PDGFRL: variants seen among roughly 807,000 people sequenced by gnomAD.
The protein encoded by PDGFRL is platelet derived growth factor receptor like, also known as platelet-derived growth factor receptor-like protein.
In PDGFRL, 46 loss-of-function variants were observed where a neutral mutation model predicts 37.2. The observed-to-expected ratio is 1.24, with a 90% confidence interval of 0.98 to 1.58. The LOEUF is 1.58. Among genes scored for constraint, PDGFRL ranks in the 40% most tolerant of loss-of-function variants. PDGFRL has a pLI of 0.00. For missense variants in PDGFRL, 692 were observed against 467.6 expected, an observed-to-expected ratio of 1.48 and a Z score of -4.43; for synonymous variants, 251 against 184.3, an observed-to-expected ratio of 1.36 and a Z score of -2.93.
intron 1 of PDGFRL, among the ~76,000 whole-genome samples, chr8:17,584,460 G>T (rs533489298): frequency 7.2e-5 from 11 of 152,210 alleles, no homozygotes; most frequent in African/African-American, 2.4e-4. Flanking sequence ...TCACGGGATT[G>T]TGTGAGGTCA....
At position 17,628,688 on chromosome 8, in the gene PDGFRL, CT is replaced by C; in HGVS notation, c.708del (p.His237IlefsTer47). 1 of 1,614,006 alleles carries C rather than the reference CT, an allele frequency of 6.2e-7. No individual in the cohort carries two copies. ...AAGCGGGGCTTTGTGTATCTGCAAC[CT>C]CATTCCGAGCACCAGGGTGTGGTTT... is the stretch of plus-strand genomic sequence containing the variant. The part of the protein sequence containing the change: ...DMKRGFVYLQ[P>X]HSEHQGVVYC... On this transcript the variant is annotated frameshift_variant, in exon 4 of 6. Coordinates refer to ENST00000251630, the MANE Select transcript of PDGFRL (RefSeq NM_001372073.1). LOFTEE classifies it high-confidence loss of function.
chr8:17,596,392 A>C (rs887216054), intron 2 of PDGFRL: 1 of 961,182 alleles, frequency 1.0e-6, no homozygotes, highest in Non-Finnish European at 1.4e-6. Flanking sequence ...TACCACGTAC[A>C]TTTTAAACGA....
intron 2 of PDGFRL, among the ~76,000 whole-genome samples, chr8:17,602,351 G>A (rs1804183547): frequency 1.3e-5 from 2 of 152,154 alleles, no homozygotes; most frequent in African/African-American, 4.8e-5. Flanking sequence ...CCAGAACTTG[G>A]GAGCCCTAGT....
intron 2 of PDGFRL, among the ~76,000 whole-genome samples, chr8:17,592,911 TACATGCACAC>T (rs1184540568): frequency 0.032 from 4,760 of 148,048 alleles, 102 homozygotes; most frequent in Middle Eastern, 0.058. Flanking sequence ...TAAACCCACA[TACATGCACAC>T]ACACACACAC....
At chr8:17,592,670 T>A (rs2517148) in intron 2 of PDGFRL, among the ~76,000 whole-genome samples, 1 of 151,790 alleles carries the variant, frequency 6.6e-6, no homozygotes, top group South Asian at 2.1e-4. Flanking sequence ...GGCCCCTCAG[T>A]ACCGGGCTAA....
At chr8:17,624,896 C>T (rs920706716) in intron 3 of PDGFRL, among the ~76,000 whole-genome samples, 5 of 152,096 alleles carry the variant, frequency 3.3e-5, no homozygotes, top group African/African-American at 4.8e-5. Flanking sequence ...GCCTGGGTGA[C>T]GGAGTGAGAC....
chr8:17,641,446 A>G (rs888076213), intron 5 of PDGFRL, among the ~76,000 whole-genome samples: 3 of 152,158 alleles, frequency 2.0e-5, no homozygotes, highest in Admixed American at 1.3e-4. Flanking sequence ...GGGGACTGAG[A>G]GAGCCCATAG....
chr8:17,628,167 G>GT (rs140805340), intron 3 of PDGFRL, among the ~76,000 whole-genome samples: 36,568 of 149,112 alleles, frequency 0.25, 4,563 homozygotes, highest in South Asian at 0.29. Flanking sequence ...CTCATTTTTT[G>GT]TTTTTTTTAG....
chr8:17,620,976 T>G (rs190945596), intron 2 of PDGFRL, 75 bp from the exon 3 acceptor site: 1 of 1,093,720 alleles, frequency 9.1e-7, no homozygotes. Flanking sequence ...CAGAGAACAG[T>G]GGAGCCGAGT....
At chr8:17,632,796 T>A (rs1480416237) in intron 4 of PDGFRL, among the ~76,000 whole-genome samples, 1 of 150,258 alleles carries the variant, frequency 6.7e-6, no homozygotes, top group East Asian at 2.0e-4. Context: ...CCTCCTCCAC[T>A]CCGCCACTGC....
intron 1 of PDGFRL, among the ~76,000 whole-genome samples, chr8:17,586,236 A>G (rs2588158): frequency 0.94 from 143,204 of 152,266 alleles, 67,993 homozygotes; most frequent in East Asian, 1. Context: ...TTATAGGCAT[A>G]AGCCGCTGCA....
chr8:17,628,630 C>G lies in PDGFRL; in HGVS notation c.649C>G (p.Pro217Ala), dbSNP rs1236348168. ...CAGGGAATTCCCAGCCAAGGAGATC[C>G]CAGCCAATGGAACGGACATTGTTTA... The part of the protein sequence containing the change: ...LHREFPAKEI[P>A]ANGTDIVYDM... Residue 217 changes from proline to alanine, a missense_variant, in exon 4 of 6, where the codon CCA becomes GCA. Coordinates refer to ENST00000251630, the MANE Select transcript of PDGFRL (RefSeq NM_001372073.1). 2.5e-6 allele frequency: 4 copies of G among 1,614,080 alleles called. No homozygotes were observed. In the African/African-American group the frequency reaches 5.3e-5, roughly 22 times the overall value.
At chr8:17,583,893 C>T (rs931084432) in intron 1 of PDGFRL, among the ~76,000 whole-genome samples, 2 of 152,180 alleles carry the variant, frequency 1.3e-5, no homozygotes, top group African/African-American at 4.8e-5. Flanking sequence ...TCACCAGATG[C>T]CCAGTCTTGA....
chr8:17,582,198 T>A (rs575114823), intron 1 of PDGFRL, among the ~76,000 whole-genome samples: 53 of 152,264 alleles, frequency 3.5e-4, no homozygotes, highest in Non-Finnish European at 5.7e-4. Context: ...CTAGGGATTT[T>A]GGAAGGCCAC....
intron 3 of PDGFRL, among the ~76,000 whole-genome samples, chr8:17,622,654 A>G (rs1804656957): frequency 6.6e-6 from 1 of 152,222 alleles, no homozygotes; most frequent in Non-Finnish European, 1.5e-5. Context: ...AGGAAAACTT[A>G]GGCACACAGA....
Position 17,577,301 on chromosome 8 carries a change from G to C in PDGFRL, c.49G>C (p.Glu17Gln), listed in dbSNP as rs765002393. ...TCTTCTGCTGGTGCACGAAGCGCTG[G>C]AGGATGGTGAGTGACTCTGGGCGCG... ...LGLLLVHEAL[E>Q]DVTGQHLPKN... The change falls in exon 1 of 6, where the codon GAG (glutamate) becomes CAG (glutamine). Residue 17 changes from glutamate to glutamine, a missense_variant. By Grantham distance (29) the Glu-to-Gln change is conservative. Transcript: ENST00000251630. The C allele has an allele frequency of 6.2e-7, 1 of 1,612,756 alleles. No individual in the cohort carries two copies. The highest frequency in any genetic ancestry group is 8.5e-7 in the Non-Finnish European group (1 of 1,179,476).
intron 2 of PDGFRL, among the ~76,000 whole-genome samples, chr8:17,593,787 C>G (rs530994112): frequency 1.3e-5 from 2 of 151,476 alleles, no homozygotes; most frequent in African/African-American, 2.4e-5. Flanking sequence ...GCTAGGGAGG[C>G]TGAGGCAGGA....
rs1804779649 is a variant in PDGFRL, at chr8:17,628,353, A to G, written c.506-134A>G. On this transcript the variant is annotated intron_variant, in intron 3 of 5. Transcript: ENST00000251630. ...ATTCTTCCAAAAAATGAAAAGCATTAAAGTAAAAAAAGAAAACCCGGCCTT... is the reference window on the plus strand; with the variant it reads ...ATTCTTCCAAAAAATGAAAAGCATTGAAGTAAAAAAAGAAAACCCGGCCTT... 10 of 666,922 alleles carry G rather than the reference A, an allele frequency of 1.5e-5. No homozygotes were observed. In the South Asian group the frequency reaches 1.7e-4, roughly 11 times the overall value. The allele number at this position is 666,922 out of a possible 1,614,324, so 41.3% of individuals were successfully genotyped here. A position where few individuals can be genotyped will look rare whatever the true frequency, so the allele number is the denominator to read the frequency against.
intron 1 of PDGFRL, among the ~76,000 whole-genome samples, chr8:17,585,513 T>C (rs1037217943): frequency 6.6e-6 from 1 of 152,126 alleles, no homozygotes; most frequent in Admixed American, 6.5e-5. Context: ...CTTGGAAAAG[T>C]GTGTGTGTTC....
Sources: allele counts gnomAD v4.1 joint callset (sites outside exome capture counted in the v4.1 genomes callset), GRCh38; gene constraint gnomAD v4.1.1; transcripts MANE v1.5; gene names NCBI Gene and HGNC (gene_info 2026-07-23, HGNC 2026-07-21).